The following OPCML variants were observed in gnomAD, a reference collection of about 807,000 sequenced individuals.
OPCML encodes the protein opioid binding protein/cell adhesion molecule like.
Under a neutral mutation model 37.8 loss-of-function variants are expected in OPCML, and 13 were observed. The observed-to-expected ratio is 0.34, with a 90% confidence interval of 0.22 to 0.55. OPCML has a LOEUF of 0.55. Ranked by LOEUF, OPCML falls within the 20% of genes least tolerant of loss-of-function variation. The pLI is 0.91. For synonymous variants in OPCML, 176 were observed against 168.8 expected, an observed-to-expected ratio of 1.04 and a Z score of -0.33; for missense variants, 341 against 435.6, an observed-to-expected ratio of 0.78 and a Z score of 1.93.
chr11:132,682,507 A>C (rs1591720214), intron 2 of OPCML, among the ~76,000 whole-genome samples: 1 of 152,226 alleles, frequency 6.6e-6, no homozygotes, highest in South Asian at 2.1e-4. Flanking sequence ...ATCTGAGTTA[A>C]GAGAGAACAA....
chr11:132,621,101 GTAAATTC>G (rs1939381242), intron 3 of OPCML, among the ~76,000 whole-genome samples: 1 of 152,230 alleles, frequency 6.6e-6, no homozygotes, highest in South Asian at 2.1e-4. Flanking sequence ...TGGTTAGCTT[GTAAATTC>G]TAACCTCCTC....
intron 1 of OPCML, among the ~76,000 whole-genome samples, chr11:133,350,404 A>G (rs930758019): frequency 1.3e-5 from 2 of 152,224 alleles, no homozygotes; most frequent in African/African-American, 4.8e-5. Context: ...AGAATCATCC[A>G]GACTTTCTTC....
chr11:133,381,005 C>T (rs1189531257), intron 1 of OPCML, among the ~76,000 whole-genome samples: 8 of 152,250 alleles, frequency 5.3e-5, no homozygotes, highest in African/African-American at 1.9e-4. Context: ...AAGGACAGGG[C>T]GAAGCGCAGG....
At position 133,187,975 on chromosome 11, in the gene OPCML, G is replaced by A. The variant is rs1395163721; in HGVS notation, c.62-244965C>T. Among the ~76,000 whole-genome samples the A allele has an allele frequency of 3.9e-5, 6 of 152,158 alleles. No individual in the cohort carries two copies. The East Asian group carries it at 1.2e-3, about 29-fold the overall frequency. Reference sequence around the variant, plus strand: ...AGTCGTTTCACTCCTGGTGCGTGATGCTGTCCAAACACTCAGGCAGCTCTG... The same window carrying A: ...AGTCGTTTCACTCCTGGTGCGTGATACTGTCCAAACACTCAGGCAGCTCTG... On this transcript the variant is annotated intron_variant, in intron 1 of 7. Coordinates refer to ENST00000524381, the MANE Select transcript of OPCML (RefSeq NM_001012393.5).
At chr11:132,818,775 A>C (rs1939795279) in intron 2 of OPCML, among the ~76,000 whole-genome samples, 1 of 149,472 alleles carries the variant, frequency 6.7e-6, no homozygotes, top group Non-Finnish European at 1.5e-5. Context: ...CAATATAAGA[A>C]CCATATATGG....
chr11:133,424,512 G>T (rs989864399), intron 1 of OPCML, among the ~76,000 whole-genome samples: 2 of 152,024 alleles, frequency 1.3e-5, no homozygotes, highest in Admixed American at 1.3e-4. Flanking sequence ...AGCTTGGAGA[G>T]AATTTTTCCA....
intron 2 of OPCML, among the ~76,000 whole-genome samples, chr11:132,932,518 A>G (rs1945241992): frequency 6.6e-6 from 1 of 151,364 alleles, no homozygotes; most frequent in Non-Finnish European, 1.5e-5. Flanking sequence ...CCCCTTTCCC[A>G]TTTTGTGGGC....
At chr11:133,413,213 G>C (rs79680497) in intron 1 of OPCML, among the ~76,000 whole-genome samples, 3 of 151,930 alleles carry the variant, frequency 2.0e-5, no homozygotes, top group Admixed American at 6.6e-5. Flanking sequence ...TGGAGAAGCC[G>C]GGAGACCGAG....
At chr11:133,091,557 T>C (rs1565442643) in intron 1 of OPCML, among the ~76,000 whole-genome samples, 1 of 152,192 alleles carries the variant, frequency 6.6e-6, no homozygotes. Context: ...AGGTGAGACA[T>C]AGGGTCAAAG....
chr11:133,485,059 T>C (rs1470544068), intron 1 of OPCML, among the ~76,000 whole-genome samples: 2 of 152,262 alleles, frequency 1.3e-5, no homozygotes, highest in East Asian at 3.9e-4. Flanking sequence ...AGTACTATTT[T>C]AGAGTTTTAA....
intron 1 of OPCML, among the ~76,000 whole-genome samples, chr11:133,288,445 G>T (rs1216342755): frequency 6.6e-6 from 1 of 152,184 alleles, no homozygotes; most frequent in East Asian, 1.9e-4. Flanking sequence ...TCCCAAAGTG[G>T]CATTTCCTCT....
intron 2 of OPCML, among the ~76,000 whole-genome samples, chr11:132,660,636 G>A (rs1025412990): frequency 1.3e-5 from 2 of 151,998 alleles, no homozygotes; most frequent in African/African-American, 2.4e-5. Context: ...CTAAATCACC[G>A]AGCCCTCTGT....
chr11:133,227,649 G>T (rs1222627420), intron 1 of OPCML, among the ~76,000 whole-genome samples: 1 of 152,080 alleles, frequency 6.6e-6, no homozygotes, highest in Non-Finnish European at 1.5e-5. Context: ...AAAAAAAAAG[G>T]CCGTTCCATT....
chr11:133,419,375 A>G (rs1281675894), intron 1 of OPCML: 2 of 981,330 alleles, frequency 2.0e-6, no homozygotes, highest in African/African-American at 3.5e-5. Flanking sequence ...GCTTCTACCC[A>G]CTCGTCAGAG....
intron 1 of OPCML, among the ~76,000 whole-genome samples, chr11:133,419,719 T>C (rs12419992): frequency 0.15 from 23,344 of 152,178 alleles, 1,911 homozygotes; most frequent in African/African-American, 0.17. Context: ...TTTTTTATTG[T>C]CTAGGCTTAA....
chr11:133,360,743 G>C (rs759766961), intron 1 of OPCML: 1 of 152,190 alleles, frequency 6.6e-6, no homozygotes, highest in Non-Finnish European at 1.5e-5. Context: ...CCACGGCCAC[G>C]TGGGGAATAT....
intron 2 of OPCML, among the ~76,000 whole-genome samples, chr11:132,919,542 TGG>T (rs747317259): frequency 2.0e-5 from 3 of 152,122 alleles, no homozygotes; most frequent in Non-Finnish European, 2.9e-5. Flanking sequence ...AAAGCAGTGT[TGG>T]GTGCCAGGGC....
intron 1 of OPCML, among the ~76,000 whole-genome samples, chr11:133,387,551 G>A (rs904415698): frequency 6.6e-6 from 1 of 152,164 alleles, no homozygotes; most frequent in African/African-American, 2.4e-5. Flanking sequence ...AAACTCACCG[G>A]TTGTGTAAAC....
chr11:133,024,291 G>A, intron 1 of OPCML: 9 of 922,532 alleles, frequency 9.8e-6, no homozygotes, highest in East Asian at 1.2e-4. Flanking sequence ...AGCGTGTTGT[G>A]CAGTGTTGAT....
Sources: allele counts gnomAD v4.1 joint callset (sites outside exome capture counted in the v4.1 genomes callset), GRCh38; gene constraint gnomAD v4.1.1; transcripts MANE v1.5; gene names NCBI Gene and HGNC (gene_info 2026-07-23, HGNC 2026-07-21).